The following IL31RA variants were observed in gnomAD, a reference collection of about 807,000 sequenced individuals.
IL31RA encodes the protein interleukin 31 receptor A, also known as interleukin-31 receptor subunit alpha.
In IL31RA, 66 loss-of-function variants were observed where a neutral mutation model predicts 83.7. The observed-to-expected ratio is 0.79, with a 90% CI of 0.65 to 0.97. The LOEUF is 0.97. Among genes scored for constraint, IL31RA ranks in the 50% least tolerant of loss-of-function variants. The pLI, the probability that IL31RA is intolerant of heterozygous loss-of-function variation, is 0.00. For missense variants in IL31RA, 798 were observed against 919.4 expected (o/e 0.87, Z 1.71); for synonymous variants, 325 against 329.0 (o/e 0.99, Z 0.13).
rs1750058852 is a variant in IL31RA, at chr5:55,920,865, C to T, written c.*3745C>T. Among the ~76,000 whole-genome samples, 1 of 152,174 alleles carries T rather than the reference C, an allele frequency of 6.6e-6. No homozygotes were observed. The highest frequency in any genetic ancestry group is 1.5e-5 in the Non-Finnish European group (1 of 68,022). ...TTGGTGGCTTACACCAGTGGTCTTTCAACAGGAGTGATTTTGACCCCCAGC... is the reference window on the plus strand; with the variant it reads ...TTGGTGGCTTACACCAGTGGTCTTTTAACAGGAGTGATTTTGACCCCCAGC... On this transcript the variant is annotated 3_prime_UTR_variant, in exon 15 of 15. Transcript: ENST00000652347.
chr5:55,887,867 A>G (rs1295189044), intron 5 of IL31RA, among the ~76,000 whole-genome samples: 1 of 151,204 alleles, frequency 6.6e-6, no homozygotes, highest in Non-Finnish European at 1.5e-5. Flanking sequence ...TGGGTGACAG[A>G]GCAAGACTCT....
At chr5:55,885,591 C>T (rs772049730) in intron 5 of IL31RA, among the ~76,000 whole-genome samples, 8 of 151,526 alleles carry the variant, frequency 5.3e-5, no homozygotes, top group Non-Finnish European at 7.4e-5. Context: ...TCGACATGCG[C>T]GGACAAGACC....
At chr5:55,881,463 G>A (rs1380545640) in intron 4 of IL31RA, among the ~76,000 whole-genome samples, 1 of 152,096 alleles carries the variant, frequency 6.6e-6, no homozygotes, top group South Asian at 2.1e-4. Flanking sequence ...GGTTTTCTAC[G>A]CCGGCCTACT....
At chr5:55,898,225 G>A (rs770048714) in intron 7 of IL31RA, among the ~76,000 whole-genome samples, 5 of 152,320 alleles carry the variant, frequency 3.3e-5, no homozygotes, top group Admixed American at 6.5e-5. Flanking sequence ...CAGTGGCGAA[G>A]GGCCAAGTAG....
In IL31RA at chr5:55,917,939, A is replaced by G. The variant is rs533410883; in HGVS notation, c.*819A>G. ...TGTCATATAGGGACGCTGGCCCCTC[A>G]CACTGGTTCAGAGCCCAGGAATGCT... On this transcript the variant is annotated 3_prime_UTR_variant, in exon 15 of 15. Coordinates refer to ENST00000652347, the MANE Select transcript of IL31RA (RefSeq NM_139017.7). 6.6e-6 allele frequency among the ~76,000 whole-genome samples: 1 copy of G among 152,272 alleles called. No individual in the cohort carries two copies. The highest frequency in any genetic ancestry group is 1.5e-5 in the Non-Finnish European group (1 of 68,016).
intron 1 of IL31RA, among the ~76,000 whole-genome samples, chr5:55,853,037 T>C (rs536615943): frequency 1.1e-3 from 163 of 152,380 alleles, no homozygotes; most frequent in South Asian, 5.2e-3. Flanking sequence ...CAGTTCAGTA[T>C]GTTTTCCTTT....
the IL31RA span, among the ~76,000 whole-genome samples, chr5:55,841,711 C>T: frequency 3.9e-5 from 6 of 152,136 alleles, no homozygotes; most frequent in Admixed American, 2.0e-4. Flanking sequence ...TGAGAGGATC[C>T]GGTGAGTTAG....
chr5:55,853,698 T>G, intron 1 of IL31RA: 1 of 878,632 alleles, frequency 1.1e-6, no homozygotes. Context: ...AACTGGTTGT[T>G]GATAGTTAAG....
rs1561111987 is a variant in IL31RA, at chr5:55,899,928, G to A, written c.865G>A (p.Ala289Thr). 1 of 1,613,910 alleles carries A rather than the reference G, an allele frequency of 6.2e-7. No individual in the cohort carries two copies. Among genetic ancestry groups the A allele is most frequent in the East Asian group, 2.2e-5 (1 of 44,882 alleles). ...VRLLWKKARG[A>T]PVLEKTLGYN... ...TCTTTGGGTTCAGAAGGCAAGAGGA[G>A]CCCCAGTCCTAGAGAAAACACTTGG... Residue 289 changes from alanine to threonine, a missense_variant, in exon 8 of 15, where the codon GCC becomes ACC. Physicochemically the swap from Ala to Thr is moderately conservative, Grantham distance 58 (BLOSUM62 0). Coordinates refer to ENST00000652347, the MANE Select transcript of IL31RA (RefSeq NM_139017.7).
intron 11 of IL31RA, among the ~76,000 whole-genome samples, chr5:55,910,079 G>A (rs184493162): frequency 4.6e-5 from 7 of 152,016 alleles, no homozygotes; most frequent in South Asian, 2.1e-4. Context: ...TTATCTTTTC[G>A]TTATTGAATT....
At chr5:55,915,016 T>G (rs528334052) in intron 14 of IL31RA, 88 bp downstream of exon 14, 1 of 1,023,322 alleles carries the variant, frequency 9.8e-7, no homozygotes, top group East Asian at 2.4e-5. Flanking sequence ...TAGGCTGAGC[T>G]TTTTTCAAGG....
At chr5:55,899,051 A>G (rs780657792) in intron 7 of IL31RA, among the ~76,000 whole-genome samples, 17 of 152,106 alleles carry the variant, frequency 1.1e-4, no homozygotes, top group Non-Finnish European at 2.4e-4. Flanking sequence ...ACAATAAAAT[A>G]GAAAATGGGT....
At chr5:55,899,860 C>G in intron 7 of IL31RA, 56 bp from the exon 8 acceptor site, 1 of 1,280,560 alleles carries the variant, frequency 7.8e-7, no homozygotes, top group Non-Finnish European at 1.1e-6. Flanking sequence ...CTCACTGTCT[C>G]AATGCCTTTC....
At chr5:55,868,559 A>T (rs1359520282) in intron 2 of IL31RA, among the ~76,000 whole-genome samples, 1 of 152,230 alleles carries the variant, frequency 6.6e-6, no homozygotes, top group Admixed American at 6.5e-5. Flanking sequence ...TTAAGTAAGA[A>T]TGTAAAAAGG....
chr5:55,886,554 A>G (rs1467096009), intron 5 of IL31RA, among the ~76,000 whole-genome samples: 1 of 152,116 alleles, frequency 6.6e-6, no homozygotes, highest in African/African-American at 2.4e-5. Flanking sequence ...GATTATGGGC[A>G]TAAGCCACCA....
At chr5:55,870,989 T>G (rs555120861) in intron 3 of IL31RA, among the ~76,000 whole-genome samples, 40 of 152,324 alleles carry the variant, frequency 2.6e-4, no homozygotes, top group African/African-American at 9.6e-4. Context: ...CAACTACAAT[T>G]ATAGTAATAA....
rs1051365807 is a variant in IL31RA at position 55,919,842 on chromosome 5, C to T, written c.*2722C>T. The stretch of plus-strand genomic sequence containing the variant: ...CCTGGATCGAGTCACCAACTGTCCC[C>T]GCTCTGGGCACCAGGGACTGCCTCT... On this transcript the variant is annotated 3_prime_UTR_variant, in exon 15 of 15. Transcript: ENST00000652347. Among the ~76,000 whole-genome samples, 6 of 152,218 alleles carry T rather than the reference C, an allele frequency of 3.9e-5. No homozygotes were observed. The highest frequency in any genetic ancestry group is 2.1e-4 in the South Asian group (1 of 4,832).
At chr5:55,900,678 C>T (rs932891922) in intron 8 of IL31RA, among the ~76,000 whole-genome samples, 2 of 152,194 alleles carry the variant, frequency 1.3e-5, no homozygotes, top group Admixed American at 6.5e-5. Context: ...TTACTGCTCC[C>T]AGGCAAACTC....
At chr5:55,901,507 T>A (rs1274476933) in intron 8 of IL31RA, among the ~76,000 whole-genome samples, 1 of 152,086 alleles carries the variant, frequency 6.6e-6, no homozygotes, top group Non-Finnish European at 1.5e-5. Flanking sequence ...TAATAATACC[T>A]ACCTCACAGA....
Sources: gnomAD v4.1 joint callset for allele counts (sites outside exome capture counted in the v4.1 genomes callset) on GRCh38, gnomAD v4.1.1 for gene constraint, MANE v1.5 for transcripts, NCBI Gene and HGNC (gene_info 2026-07-23, HGNC 2026-07-21) for gene names.